COX7B2: variants seen among roughly 807,000 people sequenced by gnomAD.
COX7B2 encodes cytochrome c oxidase subunit 7B2, mitochondrial.
For missense variants in COX7B2, 109 were observed against 95.9 expected (o/e 1.14, Z -0.57); for synonymous variants, 37 against 32.1 (o/e 1.15, Z -0.51).
At chr4:46,763,072 AATAT>A (rs966896143) in intron 2 of COX7B2, among the ~76,000 whole-genome samples, 1 of 133,276 alleles carries the variant, frequency 7.5e-6, no homozygotes, top group African/African-American at 2.8e-5. Context: ...TATATTATAT[AATAT>A]ATATTACATA....
At chr4:46,779,032 A>T (rs1295847882) in intron 2 of COX7B2, among the ~76,000 whole-genome samples, 1 of 152,226 alleles carries the variant, frequency 6.6e-6, no homozygotes, top group Non-Finnish European at 1.5e-5. Context: ...TTCTTTTGAC[A>T]AAGAGTGTGG....
intron 2 of COX7B2, among the ~76,000 whole-genome samples, chr4:46,791,669 AACAAAGTCTGC>A (rs1286335714): frequency 6.6e-6 from 1 of 152,202 alleles, no homozygotes; most frequent in Non-Finnish European, 1.5e-5. Context: ...CCTTCCATGC[AACAAAGTCTGC>A]ACTCTAAACA....
intron 1 of COX7B2, among the ~76,000 whole-genome samples, chr4:46,872,219 G>A (rs1001561051): frequency 2.0e-5 from 3 of 152,036 alleles, no homozygotes; most frequent in Admixed American, 1.3e-4. Flanking sequence ...ATTAATGCAG[G>A]AACAGAAAAC....
chr4:46,901,440 G>A (rs148351947), intron 1 of COX7B2, among the ~76,000 whole-genome samples: 11 of 152,168 alleles, frequency 7.2e-5, no homozygotes, highest in South Asian at 2.1e-4. Context: ...ACAATTTAGC[G>A]ATACAAAGGA....
At chr4:46,817,275 T>C (rs1719604664) in intron 2 of COX7B2, among the ~76,000 whole-genome samples, 1 of 152,180 alleles carries the variant, frequency 6.6e-6, no homozygotes, top group Non-Finnish European at 1.5e-5. Flanking sequence ...GCTAAGTTAT[T>C]TGCATAAATT....
intron 2 of COX7B2, among the ~76,000 whole-genome samples, chr4:46,780,769 T>G (rs898414210): frequency 1.3e-5 from 2 of 152,214 alleles, no homozygotes; most frequent in East Asian, 3.8e-4. Flanking sequence ...TTTAATCTAT[T>G]TGAACAACTG....
At chr4:46,824,439 A>T (rs1331850903) in intron 2 of COX7B2, among the ~76,000 whole-genome samples, 1 of 152,128 alleles carries the variant, frequency 6.6e-6, no homozygotes, top group Non-Finnish European at 1.5e-5. Context: ...AGCCCGTTGA[A>T]TCAGCCTCAC....
rs1446505710 is a variant in COX7B2, at chr4:46,801,306, T to G, written c.-50+43654A>C. ...CACATATGTTTATCACGGCCCTACT[T>G]ACAATAGCAAAGACAGGGAATCGAC... On this transcript the variant is annotated intron_variant, in intron 2 of 2. Coordinates refer to ENST00000355591, the MANE Select transcript of COX7B2 (RefSeq NM_130902.3). 3.3e-5 allele frequency among the ~76,000 whole-genome samples: 5 copies of G among 152,070 alleles called. No individual in the cohort carries two copies. In the East Asian group the frequency reaches 9.6e-4, roughly 29 times the overall value.
chr4:46,797,223 T>C (rs908576408), intron 2 of COX7B2, among the ~76,000 whole-genome samples: 5 of 151,724 alleles, frequency 3.3e-5, no homozygotes, highest in African/African-American at 1.2e-4. Context: ...TCTATAGCCC[T>C]TTGCCAGAAT....
At chr4:46,880,307 G>A (rs2109845185) in intron 1 of COX7B2, among the ~76,000 whole-genome samples, 1 of 151,882 alleles carries the variant, frequency 6.6e-6, no homozygotes, top group Admixed American at 6.6e-5. Flanking sequence ...CTGAGGAAGA[G>A]TCCCTCCTTC....
chr4:46,865,196 T>C lies in COX7B2; in HGVS notation c.-104-20182A>G, dbSNP rs114848825. On this transcript the variant is annotated intron_variant, in intron 1 of 2. Transcript: ENST00000355591. ...TAGCTCTCACTTATCAGTGAGAACA[T>C]ATATTTTTTGGTTTTCCACTCCTGT... is the stretch of plus-strand genomic sequence containing the variant. Among the ~76,000 whole-genome samples, 679 of 152,274 alleles carry C rather than the reference T, an allele frequency of 4.5e-3. 7 individuals are homozygous for C. The highest frequency in any genetic ancestry group is 0.016 in the African/African-American group (658 of 41,548).
chr4:46,823,949 A>ATT (rs1577613294), intron 2 of COX7B2, among the ~76,000 whole-genome samples: 1 of 152,068 alleles, frequency 6.6e-6, no homozygotes, highest in East Asian at 1.9e-4. Context: ...AATACCCAAA[A>ATT]GACAATTTTA....
intron 2 of COX7B2, among the ~76,000 whole-genome samples, chr4:46,835,353 A>C (rs1715439589): frequency 6.6e-6 from 1 of 152,124 alleles, no homozygotes; most frequent in African/African-American, 2.4e-5. Context: ...TAGTGCGTAA[A>C]CATCCTAAAA....
At chr4:46,797,872 A>G (rs746087329) in intron 2 of COX7B2, among the ~76,000 whole-genome samples, 10 of 152,060 alleles carry the variant, frequency 6.6e-5, no homozygotes, top group African/African-American at 1.7e-4. Context: ...TGATAAATGC[A>G]TTTTTCTCAA....
rs77588446 is a variant in COX7B2, at chr4:46,852,451, G to C, written c.-104-7437C>G. On this transcript the variant is annotated intron_variant, in intron 1 of 2. Transcript: ENST00000355591. Reference sequence around the variant, plus strand: ...GTTCTAATTTCCTTTTCTGGGTAGTGGTGTTTAAGGACCAAAGTCTAGGTG... The same window carrying C: ...GTTCTAATTTCCTTTTCTGGGTAGTCGTGTTTAAGGACCAAAGTCTAGGTG... 2.6e-5 allele frequency among the ~76,000 whole-genome samples: 4 copies of C among 151,842 alleles called. No homozygotes were observed. The East Asian group carries it at 7.8e-4, about 29-fold the overall frequency.
intron 2 of COX7B2, among the ~76,000 whole-genome samples, chr4:46,809,735 A>G (rs1719191183): frequency 6.6e-6 from 1 of 151,880 alleles, no homozygotes; most frequent in Non-Finnish European, 1.5e-5. Context: ...CTGCTGCTGG[A>G]TGGAAAGTTC....
intron 1 of COX7B2, among the ~76,000 whole-genome samples, chr4:46,850,671 A>G (rs1716616999): frequency 6.6e-6 from 1 of 152,154 alleles, no homozygotes; most frequent in Admixed American, 6.6e-5. Context: ...AACACTGTAA[A>G]GAAGTAAAAT....
intron 2 of COX7B2, among the ~76,000 whole-genome samples, chr4:46,790,770 C>T (rs990074677): frequency 5.3e-5 from 8 of 152,096 alleles, no homozygotes; most frequent in Non-Finnish European, 1.0e-4. Context: ...TGGATAAACC[C>T]GATTCACATG....
chr4:46,837,047 A>T (rs1715560964), intron 2 of COX7B2, among the ~76,000 whole-genome samples: 1 of 152,140 alleles, frequency 6.6e-6, no homozygotes, highest in Non-Finnish European at 1.5e-5. Context: ...ATTTAAATAC[A>T]GCAGCATTTA....
Sources: allele counts gnomAD v4.1 joint callset (sites outside exome capture counted in the v4.1 genomes callset), GRCh38; gene constraint gnomAD v4.1.1; transcripts MANE v1.5; gene names NCBI Gene and HGNC (gene_info 2026-07-23, HGNC 2026-07-21).